The following CMIP variants were observed in gnomAD, a reference collection of about 807,000 sequenced individuals.
The protein encoded by CMIP is c-Maf inducing protein, also known as C-Maf-inducing protein.
In CMIP, 13 loss-of-function variants were observed where a neutral mutation model predicts 97.3. The ratio of observed to expected loss-of-function variants is 0.13; its 90% confidence interval spans 0.09 to 0.21. CMIP has a LOEUF of 0.21. Among genes scored for constraint, CMIP ranks in the 10% least tolerant of loss-of-function variants. CMIP has a pLI of 1.00. For missense variants in CMIP, 847 were observed against 1,024.9 expected (o/e 0.83, Z 2.37); for synonymous variants, 538 against 436.3 (o/e 1.23, Z -2.91).
chr16:81,656,088 T>A (rs1041284875), intron 4 of CMIP, among the ~76,000 whole-genome samples: 4 of 152,168 alleles, frequency 2.6e-5, no homozygotes, highest in African/African-American at 9.7e-5. Context: ...CCAAAAAACA[T>A]CCTTTCACAT....
chr16:81,570,951 C>A (rs1276670224), intron 1 of CMIP, among the ~76,000 whole-genome samples: 1 of 152,066 alleles, frequency 6.6e-6, no homozygotes, highest in East Asian at 1.9e-4. Context: ...GGTCGTGAAA[C>A]AGAAAAGGGA....
At chr16:81,648,866 C>T (rs929480202) in intron 3 of CMIP, among the ~76,000 whole-genome samples, 1 of 147,872 alleles carries the variant, frequency 6.8e-6, no homozygotes, top group Non-Finnish European at 1.5e-5. Context: ...CCAGCTCCCT[C>T]ACTCTTTAGG....
At position 81,536,823 on chromosome 16, in the gene CMIP, G is replaced by A. The variant is rs542189397; in HGVS notation, c.301-70744G>A. On this transcript the variant is annotated intron_variant, in intron 1 of 20. Transcript: ENST00000537098. ...CACATACATCCGGAAGCATGCACAC[G>A]TACAGCTCAGTGAATTTTTGCCAAC... Among the ~76,000 whole-genome samples the A allele has an allele frequency of 2.6e-5, 4 of 152,044 alleles. No individual in the cohort carries two copies. The East Asian group carries it at 7.7e-4, about 29-fold the overall frequency.
chr16:81,465,894 C>T (rs1259572480), intron 1 of CMIP, among the ~76,000 whole-genome samples: 1 of 152,226 alleles, frequency 6.6e-6, no homozygotes, highest in Non-Finnish European at 1.5e-5. Context: ...TGGGGTGAAC[C>T]AAACACAGCC....
At chr16:81,520,613 G>C (rs1034856358) in intron 1 of CMIP, 4 of 120,654 alleles carry the variant, frequency 3.3e-5, no homozygotes, top group African/African-American at 1.4e-4. Flanking sequence ...AAGATAGAAA[G>C]AAAGAAAAAG....
intron 1 of CMIP, among the ~76,000 whole-genome samples, chr16:81,558,708 A>G (rs1393203921): frequency 6.6e-6 from 1 of 152,160 alleles, no homozygotes; most frequent in African/African-American, 2.4e-5. Context: ...GAATGAACAC[A>G]GCTGCGGCAG....
chr16:81,656,863 C>A (rs1242005545), intron 4 of CMIP, among the ~76,000 whole-genome samples: 2 of 152,088 alleles, frequency 1.3e-5, no homozygotes, highest in Admixed American at 1.3e-4. Context: ...CTCAAGCAAT[C>A]CACACTCCTC....
At position 81,709,887 on chromosome 16, in the gene CMIP, C is replaced by T. The variant is rs1279384222; in HGVS notation, c.*88C>T. 7.4e-6 allele frequency: 10 copies of T among 1,351,946 alleles called. No homozygotes were observed. The Admixed American group carries it at 2.0e-4, about 27-fold the overall frequency. 83.7% of individuals were successfully genotyped at this position (1,351,946 alleles called of 1,614,324 possible). On this transcript the variant is annotated 3_prime_UTR_variant, in exon 21 of 21. Transcript: ENST00000537098. The stretch of plus-strand genomic sequence containing the variant: ...CGCAGAGCAGCCGGTCCTGGGGTCC[C>T]ACCCTGGTGCCCTGGCTGTGAGATA...
chr16:81,471,590 C>T (rs559143118), intron 1 of CMIP, among the ~76,000 whole-genome samples: 10 of 152,218 alleles, frequency 6.6e-5, no homozygotes, highest in African/African-American at 2.4e-4. Context: ...CACACACACA[C>T]ACAGTTATAC....
At position 81,614,740 on chromosome 16, in the gene CMIP, TGA is replaced by T. The variant is rs1174106336; in HGVS notation, c.427-6134_427-6133del. ...GTGTGCGTACACATGTGTGTCTCTG[TGA>T]GTGTGTATGTGTCTATGTCTGTGGT... On this transcript the variant is annotated intron_variant, in intron 2 of 20. Transcript: ENST00000537098. The surrounding 1 kb of genome is among the most constrained non-coding windows in gnomAD (Gnocchi z 5.3). Among the ~76,000 whole-genome samples, 1 of 151,500 alleles carries T rather than the reference TGA, an allele frequency of 6.6e-6. No homozygotes were observed. Among genetic ancestry groups the T allele is most frequent in the Non-Finnish European group, 1.5e-5 (1 of 67,844 alleles).
intron 2 of CMIP, among the ~76,000 whole-genome samples, chr16:81,615,224 G>C (rs2091896309): frequency 7.3e-6 from 1 of 137,476 alleles, no homozygotes; most frequent in African/African-American, 2.7e-5. Context: ...GTGTGTATGT[G>C]TGTATGGTGT....
chr16:81,490,672 A>G (rs2089391220), intron 1 of CMIP, among the ~76,000 whole-genome samples: 1 of 152,136 alleles, frequency 6.6e-6, no homozygotes, highest in Non-Finnish European at 1.5e-5. Context: ...CCTGAAGAAG[A>G]CAAGACCCAC....
chr16:81,480,385 T>A (rs1421892328), intron 1 of CMIP, among the ~76,000 whole-genome samples: 3 of 151,864 alleles, frequency 2.0e-5, no homozygotes, highest in Non-Finnish European at 4.4e-5. Context: ...ACTAAAAATA[T>A]AAAAATTAGC....
chr16:81,549,667 C>T (rs538334989), intron 1 of CMIP, among the ~76,000 whole-genome samples: 40 of 152,258 alleles, frequency 2.6e-4, no homozygotes, highest in Admixed American at 1.7e-3. Flanking sequence ...ATGATGAAAT[C>T]GCCCCTAAAG....
intron 3 of CMIP, among the ~76,000 whole-genome samples, chr16:81,650,069 C>T (rs1370472881): frequency 1.3e-5 from 2 of 152,218 alleles, no homozygotes; most frequent in African/African-American, 4.8e-5. Flanking sequence ...CCTCAGTGGA[C>T]TGGGTGCGTC....
chr16:81,648,012 C>T (rs1567632526), intron 3 of CMIP, among the ~76,000 whole-genome samples: 1 of 125,156 alleles, frequency 8.0e-6, no homozygotes, highest in Admixed American at 7.8e-5. Flanking sequence ...CCACCCTCCC[C>T]CCGCACCCGC....
intron 20 of CMIP, among the ~76,000 whole-genome samples, chr16:81,707,354 C>G (rs900967443): frequency 6.6e-6 from 1 of 152,150 alleles, no homozygotes; most frequent in Non-Finnish European, 1.5e-5. Context: ...ACATAAGAAG[C>G]CAGAAATACC....
chr16:81,566,655 T>C (rs1420007042), intron 1 of CMIP, among the ~76,000 whole-genome samples: 1 of 152,216 alleles, frequency 6.6e-6, no homozygotes, highest in Admixed American at 6.5e-5. Flanking sequence ...CCCAATTCTG[T>C]TCCCAAGAGA....
chr16:81,609,694 G>A (rs182806165), intron 2 of CMIP, among the ~76,000 whole-genome samples: 237 of 152,338 alleles, frequency 1.6e-3, no homozygotes, highest in African/African-American at 5.5e-3. Context: ...TGGGTGTAGA[G>A]GGATGAGTAG....
Sources: gnomAD v4.1 joint callset for allele counts (sites outside exome capture counted in the v4.1 genomes callset) on GRCh38, gnomAD v4.1.1 for gene constraint, Gnocchi (gnomAD v3.1) non-coding constraint, MANE v1.5 for transcripts, NCBI Gene and HGNC (gene_info 2026-07-23, HGNC 2026-07-21) for gene names.